FHIT: variants seen among roughly 807,000 people sequenced by gnomAD.
FHIT encodes fragile histidine triad diadenosine triphosphatase, also known as bis(5'-adenosyl)-triphosphatase.
A neutral mutation model predicts 17.9 loss-of-function variants in FHIT; 19 were observed. That is an observed-to-expected ratio of 1.06 (90% CI 0.74 to 1.56). The LOEUF (loss-of-function observed/expected upper bound fraction) is 1.56, where lower values mean the gene tolerates loss of function less well. Among genes scored for constraint, FHIT ranks in the 40% most tolerant of loss-of-function variants. The probability of loss-of-function intolerance (pLI) is 0.00; values close to 1 mark genes in which losing one functional copy is unlikely to be tolerated. For synonymous variants in FHIT, 81 were observed against 69.7 expected (o/e 1.16, Z -0.81); for missense variants, 248 against 189.2 (o/e 1.31, Z -1.82).
At chr3:60,732,365 C>T in intron 4 of FHIT, 1 of 834,556 alleles carries the variant, frequency 1.2e-6, no homozygotes, top group Non-Finnish European at 2.1e-6. Flanking sequence ...TACCTCTATG[C>T]TTCAGGATGA....
chr3:59,987,216 T>C (rs1709023293), intron 7 of FHIT, among the ~76,000 whole-genome samples: 1 of 149,596 alleles, frequency 6.7e-6, no homozygotes, highest in East Asian at 1.9e-4. Context: ...ATTTATTTAT[T>C]TATTTAGGAC....
intron 8 of FHIT, among the ~76,000 whole-genome samples, chr3:59,895,042 AT>A (rs1416669510): frequency 6.6e-6 from 1 of 152,228 alleles, no homozygotes; most frequent in Non-Finnish European, 1.5e-5. Flanking sequence ...CACAGGGGAC[AT>A]TTGACAATGT....
intron 4 of FHIT, among the ~76,000 whole-genome samples, chr3:60,567,541 T>C (rs1271009154): frequency 2.6e-5 from 4 of 151,660 alleles, no homozygotes; most frequent in Non-Finnish European, 2.9e-5. Flanking sequence ...AGGACATAAG[T>C]ATGGGCAAGG....
intron 4 of FHIT, among the ~76,000 whole-genome samples, chr3:60,684,641 CT>C (rs1266302513): frequency 6.6e-6 from 1 of 152,048 alleles, no homozygotes; most frequent in Admixed American, 6.6e-5. Flanking sequence ...TATTCAAGAG[CT>C]GTGCCACCCC....
chr3:59,760,106 C>T (rs1032617240), intron 8 of FHIT, among the ~76,000 whole-genome samples: 16 of 152,306 alleles, frequency 1.1e-4, no homozygotes, highest in African/African-American at 3.8e-4. Flanking sequence ...GAGCATTAAT[C>T]ATTTGATTAG....
intron 8 of FHIT, among the ~76,000 whole-genome samples, chr3:59,886,003 A>G (rs7626705): frequency 0.024 from 3,618 of 152,282 alleles, 143 homozygotes; most frequent in African/African-American, 0.082. Context: ...GATCAAGGCA[A>G]AAGACACATT....
chr3:60,373,708 A>G (rs555189617), intron 5 of FHIT, among the ~76,000 whole-genome samples: 1 of 152,250 alleles, frequency 6.6e-6, no homozygotes, highest in African/African-American at 2.4e-5. Flanking sequence ...AAAACATACA[A>G]TTGAGGAATG....
chr3:60,012,680 A>G (rs1007138086), intron 6 of FHIT, among the ~76,000 whole-genome samples: 1 of 152,158 alleles, frequency 6.6e-6, no homozygotes, highest in Non-Finnish European at 1.5e-5. Context: ...TATATTTCAT[A>G]TATGTGTGTC....
intron 5 of FHIT, among the ~76,000 whole-genome samples, chr3:60,290,402 C>G (rs1177004261): frequency 6.6e-6 from 1 of 151,852 alleles, no homozygotes; most frequent in Non-Finnish European, 1.5e-5. Context: ...TCCTTTTCAC[C>G]CTTTCTCTGC....
chr3:60,515,305 C>T (rs1230417219), intron 5 of FHIT, among the ~76,000 whole-genome samples: 2 of 152,136 alleles, frequency 1.3e-5, no homozygotes, highest in Non-Finnish European at 2.9e-5. Context: ...TGGCACAGAA[C>T]ACAAACAGCA....
At chr3:60,785,988 A>T (rs1700562909) in intron 4 of FHIT, among the ~76,000 whole-genome samples, 1 of 152,168 alleles carries the variant, frequency 6.6e-6, no homozygotes, top group Non-Finnish European at 1.5e-5. Flanking sequence ...AGAGATAAAG[A>T]CAGAAGAATC....
At chr3:60,001,970 A>G (rs2107501809) in intron 7 of FHIT, among the ~76,000 whole-genome samples, 1 of 152,238 alleles carries the variant, frequency 6.6e-6, no homozygotes, top group Middle Eastern at 3.4e-3. Context: ...TTTGTGGGGG[A>G]ACACGAACTG....
intron 5 of FHIT, among the ~76,000 whole-genome samples, chr3:60,435,521 A>G (rs2030142285): frequency 1.3e-5 from 2 of 152,044 alleles, no homozygotes; most frequent in Non-Finnish European, 2.9e-5. Flanking sequence ...CTTTGGTTAC[A>G]TTGGCGAGGA....
At chr3:60,026,187 C>G (rs1700734701) in intron 5 of FHIT, among the ~76,000 whole-genome samples, 1 of 152,154 alleles carries the variant, frequency 6.6e-6, no homozygotes, top group Non-Finnish European at 1.5e-5. Flanking sequence ...TTCAAATCTC[C>G]TAGCCTACTG....
chr3:60,279,325 A>G (rs1477980391), intron 5 of FHIT, among the ~76,000 whole-genome samples: 1 of 152,186 alleles, frequency 6.6e-6, no homozygotes, highest in Non-Finnish European at 1.5e-5. Flanking sequence ...ACAAACTACC[A>G]AAACTCACAA....
intron 8 of FHIT, among the ~76,000 whole-genome samples, chr3:59,815,713 C>A (rs762719001): frequency 6.6e-6 from 1 of 152,024 alleles, no homozygotes; most frequent in East Asian, 1.9e-4. Context: ...AAAAATGACA[C>A]AGTGGACTCT....
chr3:61,173,416 ATG>A (rs1246657564), intron 2 of FHIT, among the ~76,000 whole-genome samples: 1 of 152,118 alleles, frequency 6.6e-6, no homozygotes. Context: ...ACCTCATTGT[ATG>A]TGTGTGTGTT....
At chr3:60,167,185 T>C (rs1701212550) in intron 5 of FHIT, among the ~76,000 whole-genome samples, 1 of 152,206 alleles carries the variant, frequency 6.6e-6, no homozygotes, top group African/African-American at 2.4e-5. Context: ...TTTTGGTACT[T>C]GTGGAAATAA....
intron 5 of FHIT, among the ~76,000 whole-genome samples, chr3:60,212,682 T>A (rs1176861181): frequency 3.3e-5 from 5 of 152,074 alleles, no homozygotes; most frequent in Admixed American, 3.3e-4. Context: ...ATTATTTAGT[T>A]TGGGAAAATA....
Sources: gnomAD v4.1 joint callset for allele counts (sites outside exome capture counted in the v4.1 genomes callset) on GRCh38, gnomAD v4.1.1 for gene constraint, MANE v1.5 for transcripts, NCBI Gene and HGNC (gene_info 2026-07-23, HGNC 2026-07-21) for gene names.